NRXN1: variants seen among roughly 807,000 people sequenced by gnomAD.
The protein encoded by NRXN1 is neurexin 1.
NRXN1 carries 39 observed loss-of-function variants against 150.9 expected under a neutral mutation model. That is an observed-to-expected ratio of 0.26 (90% CI 0.20 to 0.34). The LOEUF (loss-of-function observed/expected upper bound fraction) is 0.34. Among genes scored for constraint, NRXN1 ranks in the 10% least tolerant of loss-of-function variants. The probability of loss-of-function intolerance (pLI) is 1.00; values close to 1 mark genes in which losing one functional copy is unlikely to be tolerated. For missense variants in NRXN1, 1,815 were observed against 1,949.9 expected (o/e 0.93, Z 1.30); for synonymous variants, 924 against 757.0 (o/e 1.22, Z -3.62).
chr2:50,720,623 G>C (rs1293948248), intron 5 of NRXN1, among the ~76,000 whole-genome samples: 1 of 152,142 alleles, frequency 6.6e-6, no homozygotes, highest in Non-Finnish European at 1.5e-5. Flanking sequence ...TCCATGCTTA[G>C]CCACAATATT....
intron 18 of NRXN1, among the ~76,000 whole-genome samples, chr2:50,151,698 T>C (rs1345619104): frequency 1.3e-5 from 2 of 151,710 alleles, no homozygotes; most frequent in Non-Finnish European, 2.9e-5. Context: ...TGACTAAAAA[T>C]GGGTATGAGG....
At chr2:50,809,733 T>C (rs1277472721) in intron 5 of NRXN1, among the ~76,000 whole-genome samples, 1 of 152,148 alleles carries the variant, frequency 6.6e-6, no homozygotes, top group Non-Finnish European at 1.5e-5. Context: ...GATAAACACA[T>C]GTCTAAGAGA....
chr2:50,955,143 A>G (rs531822621), intron 2 of NRXN1, among the ~76,000 whole-genome samples: 1 of 152,202 alleles, frequency 6.6e-6, no homozygotes, highest in African/African-American at 2.4e-5. Flanking sequence ...GGGAAGTAAC[A>G]TTTTAATTCA....
At chr2:51,013,418 G>A (rs774947805) in intron 2 of NRXN1, among the ~76,000 whole-genome samples, 2 of 151,604 alleles carry the variant, frequency 1.3e-5, no homozygotes, top group African/African-American at 2.4e-5. Context: ...AAATGTATCT[G>A]TGAATTATAA....
At chr2:50,875,522 A>G (rs1184179191) in intron 5 of NRXN1, among the ~76,000 whole-genome samples, 4 of 151,740 alleles carry the variant, frequency 2.6e-5, no homozygotes, top group African/African-American at 7.3e-5. Flanking sequence ...TTTTTCTCCA[A>G]TGCTTTTCTT....
Position 51,027,870 on chromosome 2 carries a change from G to C in NRXN1, c.404C>G (p.Ala135Gly), listed in dbSNP as rs1670821808. Residue 135 changes from alanine (A) to glycine (G), a missense_variant, in exon 2 of 23, where the codon GCC becomes GGC. This residue lies in a region of NRXN1 where 554 missense variants were observed against 478.8 expected (regional missense o/e 1.16). Transcript: ENST00000401669. ...CTTGGACTTGACCTCCACCCACTTG[G>C]CCTCCACCTGGTCGATGAAGAGCGT... is the stretch of plus-strand genomic sequence containing the variant. ...NTTLFIDQVEAKWVEVKSKRR... is the reference protein window; with the variant it reads ...NTTLFIDQVEGKWVEVKSKRR... 2 of 1,612,664 alleles carry C rather than the reference G, an allele frequency of 1.2e-6. No individual in the cohort carries two copies. The highest frequency in any genetic ancestry group is 1.3e-5 in the African/African-American group (1 of 74,924).
At chr2:50,932,436 G>A (rs1163278339) in intron 2 of NRXN1, among the ~76,000 whole-genome samples, 1 of 151,980 alleles carries the variant, frequency 6.6e-6, no homozygotes, top group African/African-American at 2.4e-5. Flanking sequence ...TTGGTAGATT[G>A]TTACCCATTT....
At chr2:50,604,998 G>C (rs1193940935) in intron 8 of NRXN1, among the ~76,000 whole-genome samples, 1 of 152,144 alleles carries the variant, frequency 6.6e-6, no homozygotes, top group Non-Finnish European at 1.5e-5. Context: ...ACATACAACA[G>C]ATGTCTTAGG....
chr2:50,158,510 A>G (rs1206420469), intron 18 of NRXN1, among the ~76,000 whole-genome samples: 3 of 152,070 alleles, frequency 2.0e-5, no homozygotes, highest in Non-Finnish European at 4.4e-5. Context: ...TTGTTATCCC[A>G]ATGTTAATGT....
intron 2 of NRXN1, among the ~76,000 whole-genome samples, chr2:50,944,541 A>T: frequency 6.6e-6 from 1 of 152,220 alleles, no homozygotes; most frequent in South Asian, 2.1e-4. Flanking sequence ...TTGTATAAGA[A>T]AACAGGATAA....
intron 8 of NRXN1, among the ~76,000 whole-genome samples, chr2:50,598,181 G>A (rs1001234761): frequency 3.3e-5 from 5 of 150,934 alleles, no homozygotes; most frequent in Admixed American, 1.3e-4. Flanking sequence ...ACCTCTACCC[G>A]GTGAATTTAC....
chr2:50,866,398 T>C (rs11884918), intron 5 of NRXN1, among the ~76,000 whole-genome samples: 43,665 of 151,822 alleles, frequency 0.29, 7,126 homozygotes, highest in Non-Finnish European at 0.38. Flanking sequence ...TAATTGTTAT[T>C]ATCCAATGCT....
intron 5 of NRXN1, among the ~76,000 whole-genome samples, chr2:50,875,586 C>A (rs1678457363): frequency 6.6e-6 from 1 of 151,716 alleles, no homozygotes; most frequent in South Asian, 2.1e-4. Flanking sequence ...CTACCTCATG[C>A]CTAACCAATT....
chr2:50,295,106 G>A (rs1052785467), intron 17 of NRXN1, among the ~76,000 whole-genome samples: 9 of 152,126 alleles, frequency 5.9e-5, no homozygotes, highest in African/African-American at 2.2e-4. Context: ...TTCTGACTCT[G>A]TTCTTTTTCC....
chr2:50,085,665 T>C (rs557989904), intron 19 of NRXN1, among the ~76,000 whole-genome samples: 68 of 145,232 alleles, frequency 4.7e-4, no homozygotes, highest in Middle Eastern at 3.7e-3. Context: ...TATTATAAGA[T>C]AAATTATAAT....
At chr2:50,351,176 G>T (rs942001356) in intron 17 of NRXN1, among the ~76,000 whole-genome samples, 1 of 152,172 alleles carries the variant, frequency 6.6e-6, no homozygotes, top group African/African-American at 2.4e-5. Context: ...CTCACAAATT[G>T]TTCTCAGGTG....
chr2:50,582,567 A>G (rs1573641190), intron 8 of NRXN1, among the ~76,000 whole-genome samples: 1 of 151,870 alleles, frequency 6.6e-6, no homozygotes, highest in African/African-American at 2.4e-5. Flanking sequence ...AAGAGGAAAC[A>G]ACTACGAACA....
In NRXN1 at chr2:50,583,391, C is replaced by T. The variant is rs1672596657; in HGVS notation, c.1321-30366G>A. ...CTACTCACCTTTCAGAACTCAGGTA[C>T]ATCAAAGCTAAAAACCGTTCCCTAA... On this transcript the variant is annotated intron_variant, in intron 8 of 22. Transcript: ENST00000401669. 1.3e-5 allele frequency among the ~76,000 whole-genome samples: 2 copies of T among 152,142 alleles called. 1 individual carries two copies. Among genetic ancestry groups the T allele is most frequent in the Admixed American group, 1.3e-4 (2 of 15,270 alleles).
At chr2:50,392,439 G>C (rs769423937) in intron 17 of NRXN1, among the ~76,000 whole-genome samples, 5 of 152,176 alleles carry the variant, frequency 3.3e-5, no homozygotes, top group Non-Finnish European at 7.4e-5. Context: ...GATCATAGAA[G>C]AGGAATAGAA....
Sources: gnomAD v4.1 joint callset for allele counts (sites outside exome capture counted in the v4.1 genomes callset) on GRCh38, gnomAD v4.1.1 for gene constraint, gnomAD v4.1.1 regional missense constraint, MANE v1.5 for transcripts, NCBI Gene and HGNC (gene_info 2026-07-23, HGNC 2026-07-21) for gene names.